The following PHF21B variants were observed in gnomAD, a reference collection of about 807,000 sequenced individuals.
PHF21B encodes PHD finger protein 4.
A neutral mutation model predicts 62.2 loss-of-function variants in PHF21B; 22 were observed. The observed-to-expected ratio is 0.35, with a 90% confidence interval of 0.25 to 0.51. The LOEUF is 0.51. Among genes scored for constraint, PHF21B ranks in the 20% least tolerant of loss-of-function variants. The pLI is 0.97. For missense variants in PHF21B, 701 were observed against 707.9 expected (o/e 0.99, Z 0.11); for synonymous variants, 341 against 314.7 (o/e 1.08, Z -0.88).
At chr22:44,902,084 G>C (rs2071169835) in intron 5 of PHF21B, 2 of 212,784 alleles carry the variant, frequency 9.4e-6, no homozygotes, top group South Asian at 1.8e-4. Context: ...CTGGGCAGTG[G>C]CTGTTACTTG....
intron 2 of PHF21B, among the ~76,000 whole-genome samples, chr22:44,988,375 T>C (rs1038491659): frequency 5.3e-5 from 8 of 152,042 alleles, no homozygotes; most frequent in African/African-American, 1.2e-4. Flanking sequence ...GGTGGGAGGA[T>C]TGCTTGAGCC....
At chr22:44,928,911 G>A (rs1039456603) in intron 2 of PHF21B, among the ~76,000 whole-genome samples, 18 of 152,278 alleles carry the variant, frequency 1.2e-4, no homozygotes, top group African/African-American at 4.1e-4. Flanking sequence ...CCCCACTGCC[G>A]GGGCTGAGGA....
chr22:44,940,463 G>A (rs1334019390), intron 2 of PHF21B, among the ~76,000 whole-genome samples: 1 of 152,234 alleles, frequency 6.6e-6, no homozygotes, highest in African/African-American at 2.4e-5. Flanking sequence ...ACAGGATGCA[G>A]GAGGATTTTA....
intron 5 of PHF21B, among the ~76,000 whole-genome samples, chr22:44,910,709 T>C (rs1026907426): frequency 6.6e-6 from 1 of 152,224 alleles, no homozygotes. Flanking sequence ...TAAACCTCTT[T>C]CCTTTGTAAA....
At chr22:44,996,105 G>T (rs910822391) in intron 2 of PHF21B, among the ~76,000 whole-genome samples, 1 of 152,164 alleles carries the variant, frequency 6.6e-6, no homozygotes, top group African/African-American at 2.4e-5. Context: ...CAGGGCCCAT[G>T]CCACATGACA....
rs2073385270 is a variant in PHF21B, at chr22:45,009,458, A to G, written c.54+38T>C. 1.3e-6 allele frequency: 2 copies of G among 1,515,406 alleles called. No homozygotes were observed. The highest frequency in any genetic ancestry group is 2.4e-5 in the South Asian group (2 of 82,244). The allele number at this position is 1,515,406 out of a possible 1,614,324, so 93.9% of individuals were successfully genotyped here. On this transcript the variant is annotated intron_variant, in intron 1 of 12. Coordinates refer to ENST00000313237, the MANE Select transcript of PHF21B (RefSeq NM_138415.5). This position sits in a 1 kb window ranked among gnomAD's most constrained non-coding sequence, Gnocchi z 5.9. ...TCCCCCGACCCCCTCACCCCGCAAC[A>G]CACTCCCCGGCCCCGGGCCCGGCCC... is the stretch of plus-strand genomic sequence containing the variant.
intron 2 of PHF21B, among the ~76,000 whole-genome samples, chr22:44,993,161 A>G (rs546365695): frequency 6.4e-4 from 97 of 152,308 alleles, no homozygotes; most frequent in Non-Finnish European, 1.1e-3. Context: ...TCTCACTGGG[A>G]TTCCTGGCAG....
Position 44,891,289 on chromosome 22 carries a change from C to T in PHF21B, c.1015+17G>A. ...GCCCTGAGCAGCTCTGGCAGAAGGC[C>T]TGAAGCCGGTGCTTACCTCTCGCTG... On this transcript the variant is annotated intron_variant, in intron 8 of 12. Transcript: ENST00000313237. 6.2e-7 allele frequency: 1 copy of T among 1,613,410 alleles called. No homozygotes were observed. Among genetic ancestry groups the T allele is most frequent in the Non-Finnish European group, 8.5e-7 (1 of 1,179,876 alleles).
chr22:44,957,604 G>C (rs1427444594), intron 2 of PHF21B, among the ~76,000 whole-genome samples: 1 of 152,062 alleles, frequency 6.6e-6, no homozygotes, highest in Non-Finnish European at 1.5e-5. Context: ...TTGGCGTTCT[G>C]GGTTCCTCCT....
intron 5 of PHF21B, among the ~76,000 whole-genome samples, chr22:44,908,873 C>G (rs1169552374): frequency 2.0e-5 from 3 of 152,204 alleles, no homozygotes; most frequent in African/African-American, 7.2e-5. Flanking sequence ...TCTTGGCTCA[C>G]CGCAACCTCC....
At position 44,882,831 on chromosome 22, in the gene PHF21B, GA is replaced by G. The variant is rs952299373; in HGVS notation, c.*254del. 2.6e-4 allele frequency: 119 copies of G among 465,384 alleles called. 1 individual carries two copies. The highest frequency in any genetic ancestry group is 5.6e-4 in the Middle Eastern group (1 of 1,798). 28.8% of individuals were successfully genotyped at this position (465,384 alleles called of 1,614,324 possible). Reference sequence around the variant, plus strand: ...CAGGCAGCCCCGAGGTGGCCGGGGGGAGACTGTGTGCCCCAGCCTGTCGTAC... The same window carrying G: ...CAGGCAGCCCCGAGGTGGCCGGGGGGGACTGTGTGCCCCAGCCTGTCGTAC... On this transcript the variant is annotated 3_prime_UTR_variant, in exon 13 of 13. Coordinates refer to ENST00000313237, the MANE Select transcript of PHF21B (RefSeq NM_138415.5).
chr22:44,906,386 C>T (rs73178246), intron 5 of PHF21B, among the ~76,000 whole-genome samples: 9,317 of 152,288 alleles, frequency 0.061, 320 homozygotes, highest in Admixed American at 0.074. Context: ...GGGTCCACTG[C>T]AGTAGCCCCG....
At chr22:44,962,963 C>T (rs557483579) in intron 2 of PHF21B, among the ~76,000 whole-genome samples, 4 of 152,354 alleles carry the variant, frequency 2.6e-5, no homozygotes, top group African/African-American at 7.2e-5. Flanking sequence ...ACTCGTTCTA[C>T]CTTTGCATTA....
intron 2 of PHF21B, among the ~76,000 whole-genome samples, chr22:44,934,906 G>C (rs978535923): frequency 6.6e-6 from 1 of 152,178 alleles, no homozygotes; most frequent in Admixed American, 6.5e-5. Flanking sequence ...GCCATCCTGG[G>C]AAGTGTCCCA....
chr22:44,922,365 G>A (rs753455191), intron 2 of PHF21B, among the ~76,000 whole-genome samples: 4 of 152,208 alleles, frequency 2.6e-5, no homozygotes, highest in Non-Finnish European at 5.9e-5. Flanking sequence ...GGGCGCGGTG[G>A]CTCACGCCTG....
At chr22:44,899,232 T>C (rs1434695498) in intron 5 of PHF21B, among the ~76,000 whole-genome samples, 1 of 152,150 alleles carries the variant, frequency 6.6e-6, no homozygotes, top group Non-Finnish European at 1.5e-5. Flanking sequence ...ATGACAGTTT[T>C]ATATTATTAA....
chr22:44,888,227 G>C (rs905694835), intron 9 of PHF21B, 106 bp from the exon 10 acceptor site: 2 of 1,228,664 alleles, frequency 1.6e-6, no homozygotes, highest in South Asian at 1.8e-5. Flanking sequence ...ACATGTGGCC[G>C]CTCTTCTGCC....
intron 2 of PHF21B, among the ~76,000 whole-genome samples, chr22:44,952,493 G>C (rs1402292133): frequency 6.6e-6 from 1 of 152,202 alleles, no homozygotes; most frequent in Non-Finnish European, 1.5e-5. Context: ...GGGGTGGAGG[G>C]AGCACAGGGA....
At chr22:44,893,711 C>T (rs1569211027) in intron 6 of PHF21B, among the ~76,000 whole-genome samples, 178 bp from the exon 7 acceptor site, 1 of 152,220 alleles carries the variant, frequency 6.6e-6, no homozygotes, top group East Asian at 1.9e-4. Context: ...TCACTGACTC[C>T]ATGGCAGGAC....
Sources: allele counts gnomAD v4.1 joint callset (sites outside exome capture counted in the v4.1 genomes callset), GRCh38; gene constraint gnomAD v4.1.1; non-coding constraint Gnocchi (gnomAD v3.1); transcripts MANE v1.5; gene names NCBI Gene and HGNC (gene_info 2026-07-23, HGNC 2026-07-21).